Variants in ATP8A2 observed in about 807,000 individuals in gnomAD.
ATP8A2 encodes ATPase phospholipid transporting 8A2, also known as phospholipid-transporting ATPase IB.
ATP8A2 carries 100 observed loss-of-function variants against 165.6 expected under a neutral mutation model. The ratio of observed to expected loss-of-function variants is 0.60; its 90% CI spans 0.51 to 0.71. The LOEUF (loss-of-function observed/expected upper bound fraction) is 0.71. ATP8A2 is among the 30% of genes least tolerant of loss of function. The probability of loss-of-function intolerance (pLI) is 0.00; values close to 1 mark genes in which losing one functional copy is unlikely to be tolerated. For synonymous variants in ATP8A2, 543 were observed against 548.8 expected (o/e 0.99, Z 0.15); for missense variants, 1,227 against 1,479.5 (o/e 0.83, Z 2.80).
chr13:25,689,818 A>C lies in ATP8A2; in HGVS notation c.2212-9355A>C, dbSNP rs2042684106. On this transcript the variant is annotated intron_variant, in intron 24 of 36. Transcript: ENST00000381655. ...GCTGAGTGGTGGCTTGCAAATGCTG[A>C]TTTCACATTCTTCTTGTAGGAAGAT... Among the ~76,000 whole-genome samples, 4 of 152,246 alleles carry C rather than the reference A, an allele frequency of 2.6e-5. No individual in the cohort carries two copies. In the South Asian group the frequency reaches 8.3e-4, roughly 32 times the overall value.
chr13:25,796,757 T>TA (rs1950506794), intron 27 of ATP8A2, among the ~76,000 whole-genome samples: 1 of 152,216 alleles, frequency 6.6e-6, no homozygotes, highest in Admixed American at 6.5e-5. Flanking sequence ...ATTCCAGGTG[T>TA]ATTACTCATT....
intron 24 of ATP8A2, among the ~76,000 whole-genome samples, chr13:25,652,397 A>G (rs759899402): frequency 8.5e-5 from 13 of 152,086 alleles, no homozygotes; most frequent in Non-Finnish European, 1.6e-4. Flanking sequence ...CATTGGTTCT[A>G]TTAGCAGTCT....
chr13:25,474,699 T>G (rs868241469), intron 2 of ATP8A2, among the ~76,000 whole-genome samples: 1 of 152,032 alleles, frequency 6.6e-6, no homozygotes, highest in Admixed American at 6.5e-5. Flanking sequence ...GTTTTTTGGT[T>G]GTTTTGTTTT....
intron 35 of ATP8A2, among the ~76,000 whole-genome samples, chr13:25,972,167 G>T (rs1380120377): frequency 5.3e-5 from 8 of 152,210 alleles, no homozygotes. Flanking sequence ...GGTAGCCAGG[G>T]ATTCTAAGTT....
At chr13:25,851,770 T>C (rs968360562) in intron 30 of ATP8A2, among the ~76,000 whole-genome samples, 1 of 152,182 alleles carries the variant, frequency 6.6e-6, no homozygotes, top group South Asian at 2.1e-4. Context: ...CAAGAGTTTG[T>C]CTCATGTAAA....
chr13:25,755,245 C>T (rs2044236346), intron 25 of ATP8A2, among the ~76,000 whole-genome samples: 1 of 152,176 alleles, frequency 6.6e-6, no homozygotes, highest in South Asian at 2.1e-4. Flanking sequence ...AATTCCATCT[C>T]CAGAGGCAGG....
chr13:25,431,824 A>G (rs1395722895), intron 1 of ATP8A2, among the ~76,000 whole-genome samples: 2 of 152,198 alleles, frequency 1.3e-5, no homozygotes, highest in South Asian at 2.1e-4. Flanking sequence ...CAGCCATCAC[A>G]ATTATCTAGT....
chr13:25,546,719 A>C (rs537183167), intron 10 of ATP8A2, among the ~76,000 whole-genome samples: 1 of 152,314 alleles, frequency 6.6e-6, no homozygotes, highest in Admixed American at 6.5e-5. Context: ...ATGCACATAT[A>C]TCAATTCATT....
chr13:25,474,168 C>T (rs922877581), intron 2 of ATP8A2, among the ~76,000 whole-genome samples: 1 of 151,638 alleles, frequency 6.6e-6, no homozygotes, highest in African/African-American at 2.4e-5. Context: ...TGTCAAGTTA[C>T]TGCATTTCTT....
At chr13:25,972,961 A>G (rs1955948059) in intron 35 of ATP8A2, among the ~76,000 whole-genome samples, 1 of 152,336 alleles carries the variant, frequency 6.6e-6, no homozygotes, top group South Asian at 2.1e-4. Context: ...TGTTGAAAAC[A>G]TCTAGTTTTT....
chr13:25,809,611 G>A (rs1950817057), intron 27 of ATP8A2, among the ~76,000 whole-genome samples: 1 of 151,972 alleles, frequency 6.6e-6, no homozygotes, highest in Admixed American at 6.6e-5. Flanking sequence ...TCTTCCTCTA[G>A]CTGCTTTGCT....
At chr13:25,786,244 G>A (rs918289071) in intron 27 of ATP8A2, among the ~76,000 whole-genome samples, 1 of 152,174 alleles carries the variant, frequency 6.6e-6, no homozygotes, top group Non-Finnish European at 1.5e-5. Flanking sequence ...TCTGAGCTGC[G>A]ATATTGGTTT....
At position 25,901,230 on chromosome 13, in the gene ATP8A2, A is replaced by G. The variant is rs9581472; in HGVS notation, c.3183+38822A>G. 8.9e-3 allele frequency among the ~76,000 whole-genome samples: 1,348 copies of G among 152,286 alleles called. 15 individuals are homozygous for G. Among genetic ancestry groups the G allele is most frequent in the African/African-American group, 0.028 (1,181 of 41,564 alleles). On this transcript the variant is annotated intron_variant, in intron 33 of 36. Transcript: ENST00000381655. ...TGCATTGTACTGGAAGGGGCCGATG[A>G]ATAGTGCTGGGTCAAGGGTTTTTAA... is the stretch of plus-strand genomic sequence containing the variant.
intron 1 of ATP8A2, among the ~76,000 whole-genome samples, chr13:25,464,684 C>A (rs898676995): frequency 2.0e-5 from 3 of 152,100 alleles, no homozygotes; most frequent in African/African-American, 4.8e-5. Context: ...CACGGTATGA[C>A]CTAGCTGATG....
chr13:25,585,295 G>A (rs1298297906), intron 23 of ATP8A2, among the ~76,000 whole-genome samples: 1 of 152,110 alleles, frequency 6.6e-6, no homozygotes, highest in African/African-American at 2.4e-5. Flanking sequence ...TTCAGATGTA[G>A]CCCTTGTGAA....
At chr13:25,769,678 G>T (rs1426323772) in intron 26 of ATP8A2, among the ~76,000 whole-genome samples, 5 of 79,256 alleles carry the variant, frequency 6.3e-5, no homozygotes, top group African/African-American at 2.5e-4. Flanking sequence ...AGGTGCTTAA[G>T]GTCAGGGAGA....
At chr13:25,605,370 A>G (rs2040489536) in intron 24 of ATP8A2, among the ~76,000 whole-genome samples, 1 of 152,166 alleles carries the variant, frequency 6.6e-6, no homozygotes, top group Non-Finnish European at 1.5e-5. Context: ...TGGCAATCTA[A>G]TAGTTTTAAA....
chr13:25,443,486 T>G (rs1924773), intron 1 of ATP8A2, among the ~76,000 whole-genome samples: 62,696 of 152,086 alleles, frequency 0.41, 13,999 homozygotes, highest in East Asian at 0.59. Flanking sequence ...GTGAGACAAC[T>G]GCTGTTCTAA....
At chr13:25,770,277 T>A (rs1439759702) in intron 26 of ATP8A2, among the ~76,000 whole-genome samples, 1 of 152,146 alleles carries the variant, frequency 6.6e-6, no homozygotes, top group Non-Finnish European at 1.5e-5. Context: ...TCTGACCTTC[T>A]TAAACTGCTC....
Sources: allele counts gnomAD v4.1 joint callset (sites outside exome capture counted in the v4.1 genomes callset), GRCh38; gene constraint gnomAD v4.1.1; transcripts MANE v1.5; gene names NCBI Gene and HGNC (gene_info 2026-07-23, HGNC 2026-07-21).